The following LHFPL3 variants were observed in gnomAD, a reference collection of about 807,000 sequenced individuals.
The protein encoded by LHFPL3 is LHFPL tetraspan subfamily member 3, also known as LHFPL tetraspan subfamily member 3 protein.
Under a neutral mutation model 19.3 loss-of-function variants are expected in LHFPL3, and 5 were observed. The observed-to-expected ratio is 0.26, with a 90% CI of 0.14 to 0.54. LHFPL3 has a LOEUF of 0.54. LHFPL3 is among the 20% of genes least tolerant of loss of function. LHFPL3 has a pLI of 0.94. For synonymous variants in LHFPL3, 133 were observed against 126.2 expected (o/e 1.05, Z -0.36); for missense variants, 249 against 307.4 (o/e 0.81, Z 1.42).
At chr7:104,603,106 C>A (rs1208101590) in intron 1 of LHFPL3, among the ~76,000 whole-genome samples, 2 of 131,616 alleles carry the variant, frequency 1.5e-5, no homozygotes, top group Non-Finnish European at 3.2e-5. Context: ...TTCTTTCTTT[C>A]TTTCTTTCTT....
At chr7:104,715,895 T>C (rs1562971618) in intron 1 of LHFPL3, among the ~76,000 whole-genome samples, 1 of 152,334 alleles carries the variant, frequency 6.6e-6, no homozygotes, top group East Asian at 1.9e-4. Context: ...GTCAGAGTAA[T>C]ATTCGCCTCA....
At chr7:104,330,383 T>A (rs1483959930) in intron 1 of LHFPL3, among the ~76,000 whole-genome samples, 6 of 152,214 alleles carry the variant, frequency 3.9e-5, no homozygotes, top group Non-Finnish European at 7.3e-5. Flanking sequence ...TTTTAAGATG[T>A]TTCAAGATTT....
intron 2 of LHFPL3, among the ~76,000 whole-genome samples, chr7:104,901,191 G>C (rs1386454440): frequency 6.6e-6 from 1 of 152,216 alleles, no homozygotes; most frequent in Non-Finnish European, 1.5e-5. Flanking sequence ...TGTTTGAAGA[G>C]CTAGTCCTTG....
intron 1 of LHFPL3, among the ~76,000 whole-genome samples, chr7:104,409,304 C>CTGTG (rs59285167): frequency 4.6e-4 from 68 of 148,910 alleles, no homozygotes; most frequent in East Asian, 1.6e-3. Context: ...CTTATGTGTG[C>CTGTG]TGTGTGTGTG....
At chr7:104,538,299 C>T (rs999050901) in intron 1 of LHFPL3, among the ~76,000 whole-genome samples, 8 of 152,068 alleles carry the variant, frequency 5.3e-5, no homozygotes, top group Non-Finnish European at 1.2e-4. Context: ...ATGAAAGTCC[C>T]GAGGTGCTAA....
At chr7:104,514,213 C>T (rs1793876774) in intron 1 of LHFPL3, among the ~76,000 whole-genome samples, 1 of 152,098 alleles carries the variant, frequency 6.6e-6, no homozygotes, top group African/African-American at 2.4e-5. Context: ...TCTCTCTCTC[C>T]ACCCAGCCCC....
chr7:104,483,388 G>A (rs1255886661), intron 1 of LHFPL3, among the ~76,000 whole-genome samples: 1 of 152,116 alleles, frequency 6.6e-6, no homozygotes, highest in Non-Finnish European at 1.5e-5. Flanking sequence ...TTTATGTTCA[G>A]TTGTAATTTT....
chr7:104,351,074 C>T lies in LHFPL3; in HGVS notation c.445+21850C>T, dbSNP rs538507199. On this transcript the variant is annotated intron_variant, in intron 1 of 2. Transcript: ENST00000424859. ...AAAAAAAGGAAAGAAAAGGTCTCTT[C>T]GACAAGACACCATTTAAGAAGAGAC... Among the ~76,000 whole-genome samples the T allele has an allele frequency of 4.2e-3, 640 of 150,714 alleles. 4 individuals carry two copies. Among genetic ancestry groups the T allele is most frequent in the Non-Finnish European group, 7.7e-3 (520 of 67,790 alleles).
intron 1 of LHFPL3, among the ~76,000 whole-genome samples, chr7:104,419,048 C>T (rs972412334): frequency 2.1e-4 from 32 of 152,098 alleles, no homozygotes; most frequent in African/African-American, 7.0e-4. Context: ...TAACTTGCAT[C>T]CTTGTTTAAG....
intron 1 of LHFPL3, among the ~76,000 whole-genome samples, chr7:104,486,673 G>T (rs549613305): frequency 1.9e-3 from 282 of 152,302 alleles, no homozygotes; most frequent in African/African-American, 6.3e-3. Flanking sequence ...ATTGCAGTTA[G>T]TAAGCAATTT....
intron 1 of LHFPL3, among the ~76,000 whole-genome samples, chr7:104,486,658 A>G (rs1793242746): frequency 6.6e-6 from 1 of 152,222 alleles, no homozygotes; most frequent in Non-Finnish European, 1.5e-5. Flanking sequence ...GTAAATATTC[A>G]GCCCATTGCA....
intron 2 of LHFPL3, among the ~76,000 whole-genome samples, chr7:104,884,630 T>G (rs1267684527): frequency 6.6e-6 from 1 of 152,224 alleles, no homozygotes; most frequent in African/African-American, 2.4e-5. Context: ...ATTGGCTGAT[T>G]ATCTGATTAA....
chr7:104,731,803 G>A (rs1218000600), intron 1 of LHFPL3, among the ~76,000 whole-genome samples: 1 of 151,720 alleles, frequency 6.6e-6, no homozygotes, highest in Non-Finnish European at 1.5e-5. Context: ...TCTTGTGCCA[G>A]TTTTCAAAGG....
chr7:104,351,038 TAAA>T (rs35688007), intron 1 of LHFPL3, among the ~76,000 whole-genome samples: 9 of 116,248 alleles, frequency 7.7e-5, no homozygotes, highest in Non-Finnish European at 1.1e-4. Context: ...AGACTCCCTC[TAAA>T]AAAAAAAAAA....
At chr7:104,461,458 T>C (rs189089953) in intron 1 of LHFPL3, among the ~76,000 whole-genome samples, 2 of 152,344 alleles carry the variant, frequency 1.3e-5, no homozygotes, top group Admixed American at 1.3e-4. Context: ...TATTGAATAG[T>C]GAGTCCTTTC....
intron 1 of LHFPL3, among the ~76,000 whole-genome samples, chr7:104,616,976 G>A (rs1168671391): frequency 6.6e-6 from 1 of 152,140 alleles, no homozygotes; most frequent in Non-Finnish European, 1.5e-5. Context: ...AGTTAGAATG[G>A]CGATCATTAA....
chr7:104,527,369 C>A (rs1189464754), intron 1 of LHFPL3, among the ~76,000 whole-genome samples: 2 of 152,036 alleles, frequency 1.3e-5, no homozygotes, highest in African/African-American at 2.4e-5. Flanking sequence ...CAAGTAGGAG[C>A]TAAATAATTG....
chr7:104,652,735 C>T (rs575697523), intron 1 of LHFPL3, among the ~76,000 whole-genome samples: 1 of 152,148 alleles, frequency 6.6e-6, no homozygotes, highest in Admixed American at 6.6e-5. Flanking sequence ...GAAGCAAAGC[C>T]AGGCACTAGT....
intron 1 of LHFPL3, among the ~76,000 whole-genome samples, chr7:104,612,695 C>T (rs1295723654): frequency 6.6e-6 from 1 of 152,156 alleles, no homozygotes; most frequent in Non-Finnish European, 1.5e-5. Context: ...TCATGCCGCT[C>T]AGCTGATTAA....
Sources: gnomAD v4.1 joint callset for allele counts (sites outside exome capture counted in the v4.1 genomes callset) on GRCh38, gnomAD v4.1.1 for gene constraint, MANE v1.5 for transcripts, NCBI Gene and HGNC (gene_info 2026-07-23, HGNC 2026-07-21) for gene names.